Variants in MYO1E observed in about 807,000 individuals in gnomAD.
MYO1E encodes myosin IE, also known as unconventional myosin-Ie.
MYO1E carries 68 observed loss-of-function variants against 151.1 expected under a neutral mutation model. The observed-to-expected ratio is 0.45, with a 90% CI of 0.37 to 0.55. The LOEUF (loss-of-function observed/expected upper bound fraction) is 0.55, where lower values mean the gene tolerates loss of function less well. Among genes scored for constraint, MYO1E ranks in the 20% least tolerant of loss-of-function variants. The pLI, the probability that MYO1E is intolerant of heterozygous loss-of-function variation, is 0.00. For synonymous variants in MYO1E, 601 were observed against 501.7 expected, an observed-to-expected ratio of 1.20 and a Z score of -2.64; for missense variants, 1,363 against 1,389.3, an observed-to-expected ratio of 0.98 and a Z score of 0.30.
intron 2 of MYO1E, among the ~76,000 whole-genome samples, chr15:59,263,543 A>G (rs1227033871): frequency 6.6e-6 from 1 of 152,198 alleles, no homozygotes; most frequent in Non-Finnish European, 1.5e-5. Flanking sequence ...GGATCATATA[A>G]TCATATAATT....
At chr15:59,268,566 A>C (rs1317953367) in intron 2 of MYO1E, among the ~76,000 whole-genome samples, 1 of 152,058 alleles carries the variant, frequency 6.6e-6, no homozygotes, top group Non-Finnish European at 1.5e-5. Flanking sequence ...TATGCAGAAA[A>C]CCAAGAAATA....
At position 59,159,552 on chromosome 15, in the gene MYO1E, C is replaced by G. The variant is rs2079526574; in HGVS notation, c.2786-1173G>C. 6.6e-6 allele frequency among the ~76,000 whole-genome samples: 1 copy of G among 152,236 alleles called. No individual in the cohort carries two copies. The highest frequency in any genetic ancestry group is 2.4e-5 in the African/African-American group (1 of 41,460). On this transcript the variant is annotated intron_variant, in intron 24 of 27. Transcript: ENST00000288235. The surrounding 1 kb of genome is among the most constrained non-coding windows in gnomAD (Gnocchi z 4.4). ...AGCCTTCAGTTCACCTCGTTCCTCC[C>G]TCTGCTGCTTCAGGTTTGCGGATAA...
intron 1 of MYO1E, among the ~76,000 whole-genome samples, chr15:59,327,345 G>C (rs1404281884): frequency 2.7e-5 from 4 of 149,908 alleles, no homozygotes; most frequent in Admixed American, 1.3e-4. Flanking sequence ...TTTTATTTCA[G>C]AGATGGGGTC....
intron 1 of MYO1E, among the ~76,000 whole-genome samples, chr15:59,321,391 C>A (rs748092147): frequency 6.6e-6 from 1 of 152,184 alleles, no homozygotes; most frequent in Non-Finnish European, 1.5e-5. Flanking sequence ...TGTATGTTTA[C>A]CACAGCACTA....
Position 59,219,554 on chromosome 15 carries a change from C to T in MYO1E, c.911-1467G>A, listed in dbSNP as rs141804190. Reference sequence around the variant, plus strand: ...TCCAATGAGATTAAGTCAGTGAATACATTTTGAAAAAGTATAATGCCAGAA... The same window carrying T: ...TCCAATGAGATTAAGTCAGTGAATATATTTTGAAAAAGTATAATGCCAGAA... On this transcript the variant is annotated intron_variant, in intron 9 of 27. Transcript: ENST00000288235. 1.7e-4 allele frequency among the ~76,000 whole-genome samples: 26 copies of T among 152,264 alleles called. No homozygotes were observed. The East Asian group carries it at 3.1e-3, about 18-fold the overall frequency.
chr15:59,230,954 G>GT (rs2080024205), intron 6 of MYO1E, among the ~76,000 whole-genome samples: 1 of 152,134 alleles, frequency 6.6e-6, no homozygotes, highest in African/African-American at 2.4e-5. Flanking sequence ...TTGTTTCTTT[G>GT]TAAATGTGGC....
intron 2 of MYO1E, among the ~76,000 whole-genome samples, chr15:59,267,695 C>T (rs757075907): frequency 1.3e-5 from 2 of 152,212 alleles, no homozygotes; most frequent in Non-Finnish European, 2.9e-5. Context: ...ACCGAATGAG[C>T]ACAGAGTGCT....
intron 19 of MYO1E, among the ~76,000 whole-genome samples, chr15:59,176,862 G>A (rs1002185893): frequency 1.3e-5 from 2 of 152,148 alleles, no homozygotes; most frequent in African/African-American, 2.4e-5. Context: ...GTGCGTGTGT[G>A]AGTGCATGTG....
In MYO1E at chr15:59,134,126, A is replaced by C. The variant is rs2079358843; in HGVS notation, c.*3254T>G. On this transcript the variant is annotated 3_prime_UTR_variant, in exon 28 of 28. Coordinates refer to ENST00000288235, the MANE Select transcript of MYO1E (RefSeq NM_004998.4). ...CACATGACTAAGCTCTGGCCAGCAG[A>C]ATATTGGTGGACATGGTGTGCACAC... 6.6e-6 allele frequency: 1 copy of C among 152,252 alleles called. No homozygotes were observed. The highest frequency in any genetic ancestry group is 1.5e-5 in the Non-Finnish European group (1 of 68,100). The allele number at this position is 152,252 out of a possible 1,614,324, so 9.4% of individuals were successfully genotyped here.
At chr15:59,239,159 T>C (rs1418075112) in intron 4 of MYO1E, among the ~76,000 whole-genome samples, 2 of 151,300 alleles carry the variant, frequency 1.3e-5, no homozygotes, top group Non-Finnish European at 2.9e-5. Context: ...TGAGCCAAGA[T>C]TGTGCCACTG....
At chr15:59,202,239 C>CT in intron 16 of MYO1E, 87 bp downstream of exon 16, 1 of 1,166,214 alleles carries the variant, frequency 8.6e-7, no homozygotes. Context: ...TCTCACTGAC[C>CT]TCATCCTGGC....
At chr15:59,276,797 G>C (rs530273372) in intron 1 of MYO1E, among the ~76,000 whole-genome samples, 1 of 152,186 alleles carries the variant, frequency 6.6e-6, no homozygotes, top group Non-Finnish European at 1.5e-5. Flanking sequence ...TCACTGACTG[G>C]TGTCTGTTTA....
chr15:59,288,412 A>G (rs1471135323), intron 1 of MYO1E, among the ~76,000 whole-genome samples: 1 of 152,190 alleles, frequency 6.6e-6, no homozygotes, highest in Non-Finnish European at 1.5e-5. Flanking sequence ...CCTGGGTTCA[A>G]GCGATCTTCC....
chr15:59,206,204 G>A (rs533412501), intron 14 of MYO1E, among the ~76,000 whole-genome samples: 1 of 152,320 alleles, frequency 6.6e-6, no homozygotes, highest in African/African-American at 2.4e-5. Context: ...CAGTAGGCAT[G>A]GGGAGACAAG....
At chr15:59,367,461 G>C (rs922229249) in intron 1 of MYO1E, among the ~76,000 whole-genome samples, 2 of 152,200 alleles carry the variant, frequency 1.3e-5, no homozygotes, top group Admixed American at 6.5e-5. Flanking sequence ...GGGTTGAAGA[G>C]AAAAGCTCAA....
chr15:59,249,267 C>CA lies in MYO1E; in HGVS notation c.332+7016dup, dbSNP rs1166949551. On this transcript the variant is annotated intron_variant, in intron 4 of 27. Coordinates refer to ENST00000288235, the MANE Select transcript of MYO1E (RefSeq NM_004998.4). ...TGAAACCCAGTCTCTACTAAAAATA[C>CA]AAAAAAAATTAGCTGGGTGTGGTGG... Among the ~76,000 whole-genome samples, 19 of 151,708 alleles carry CA rather than the reference C, an allele frequency of 1.3e-4. 1 individual carries two copies. Among genetic ancestry groups the CA allele is most frequent in the Admixed American group, 4.6e-4 (7 of 15,242 alleles).
Position 59,210,498 on chromosome 15 carries a change from C to G in MYO1E, c.1362+16G>C, listed in dbSNP as rs74017399. 1,788 of 1,515,404 alleles carry G rather than the reference C, an allele frequency of 1.2e-3. 22 individuals are homozygous for G. The African/African-American group carries it at 0.022, about 19-fold the overall frequency. The allele number at this position is 1,515,404 out of a possible 1,614,324, so 93.9% of individuals were successfully genotyped here. A position where few individuals can be genotyped will look rare whatever the true frequency, so the allele number is the denominator to read the frequency against. ...AACCTGTGAGCAGTGAAAAGACATA[C>G]TAAATGAACACTTACCACTTTGTTC... On this transcript the variant is annotated intron_variant, in intron 13 of 27. Coordinates refer to ENST00000288235, the MANE Select transcript of MYO1E (RefSeq NM_004998.4).
intron 18 of MYO1E, among the ~76,000 whole-genome samples, chr15:59,179,989 C>T (rs761084539): frequency 2.0e-4 from 30 of 152,208 alleles, no homozygotes; most frequent in Non-Finnish European, 3.4e-4. Context: ...ACTACTGTCA[C>T]GATTAGACTG....
intron 10 of MYO1E, 59 bp downstream of exon 10, chr15:59,217,832 A>G: frequency 6.3e-7 from 1 of 1,582,612 alleles, no homozygotes; most frequent in South Asian, 1.1e-5. Context: ...CCAGCCTACT[A>G]GTTTTACTCT....
Sources: gnomAD v4.1 joint callset for allele counts (sites outside exome capture counted in the v4.1 genomes callset) on GRCh38, gnomAD v4.1.1 for gene constraint, Gnocchi (gnomAD v3.1) non-coding constraint, MANE v1.5 for transcripts, NCBI Gene and HGNC (gene_info 2026-07-23, HGNC 2026-07-21) for gene names.